Variants in ATE1 observed in about 807,000 individuals in gnomAD.
The protein encoded by ATE1 is arginyltransferase 1, also known as arginyl-tRNA--protein transferase 1.
ATE1 carries 36 observed loss-of-function variants against 70.5 expected under a neutral mutation model. The observed-to-expected ratio is 0.51, with a 90% CI of 0.39 to 0.67. ATE1 has a LOEUF of 0.67. Ranked by LOEUF, ATE1 falls within the 30% of genes least tolerant of loss-of-function variation. The probability of loss-of-function intolerance (pLI) is 0.00; values close to 1 mark genes in which losing one functional copy is unlikely to be tolerated. For missense variants in ATE1, 593 were observed against 629.5 expected, an observed-to-expected ratio of 0.94 and a Z score of 0.62; for synonymous variants, 232 against 219.3, an observed-to-expected ratio of 1.06 and a Z score of -0.51.
intron 3 of ATE1, among the ~76,000 whole-genome samples, chr10:121,918,848 G>A (rs887352754): frequency 5.3e-5 from 8 of 152,186 alleles, no homozygotes; most frequent in Non-Finnish European, 1.2e-4. Context: ...CTTACAAGAG[G>A]ATTGTAAAAT....
chr10:121,902,681 TG>T, intron 5 of ATE1, 61 bp from the exon 6 acceptor site: 1 of 1,472,340 alleles, frequency 6.8e-7, no homozygotes, highest in Non-Finnish European at 9.2e-7. Context: ...TTTTTTCACA[TG>T]TCTCAAAGAT....
chr10:121,855,682 A>G (rs1339181358), intron 8 of ATE1, among the ~76,000 whole-genome samples: 1 of 152,232 alleles, frequency 6.6e-6, no homozygotes, highest in Non-Finnish European at 1.5e-5. Flanking sequence ...ATTGATTTAC[A>G]GAGATAAGAA....
chr10:121,743,909 T>C (rs1944234838), intron 11 of ATE1, 51 bp from the exon 12 acceptor site: 2 of 1,509,454 alleles, frequency 1.3e-6, no homozygotes, highest in East Asian at 2.3e-5. Context: ...TCAAAACTTT[T>C]TGTTTCCTTT....
chr10:121,745,706 G>C (rs1037369373), intron 11 of ATE1, among the ~76,000 whole-genome samples: 5 of 149,050 alleles, frequency 3.4e-5, no homozygotes, highest in Non-Finnish European at 7.4e-5. Flanking sequence ...CAGCCTGGGC[G>C]ACAGAGCAAG....
intron 5 of ATE1, among the ~76,000 whole-genome samples, chr10:121,905,617 G>A (rs767791551): frequency 3.3e-5 from 5 of 151,958 alleles, no homozygotes; most frequent in African/African-American, 4.8e-5. Flanking sequence ...CGAGACGGGC[G>A]GATCACCTGA....
At chr10:121,927,029 C>T in intron 1 of ATE1, 12 of 985,380 alleles carry the variant, frequency 1.2e-5, no homozygotes, top group South Asian at 4.7e-5. Flanking sequence ...TGTTTTCATG[C>T]GAATCTCGTT....
intron 8 of ATE1, among the ~76,000 whole-genome samples, chr10:121,844,815 G>A (rs185830325): frequency 1.3e-5 from 2 of 151,852 alleles, no homozygotes; most frequent in Admixed American, 1.3e-4. Context: ...GAAAGATGCC[G>A]ATCTGAAAAG....
At chr10:121,924,898 C>A (rs1204785652) in intron 1 of ATE1, among the ~76,000 whole-genome samples, 3 of 152,124 alleles carry the variant, frequency 2.0e-5, no homozygotes, top group Non-Finnish European at 4.4e-5. Flanking sequence ...TCAATAGTCT[C>A]TATGACAGCA....
At chr10:121,803,239 T>A (rs530938414) in intron 10 of ATE1, among the ~76,000 whole-genome samples, 1 of 152,324 alleles carries the variant, frequency 6.6e-6, no homozygotes, top group African/African-American at 2.4e-5. Flanking sequence ...GAATTCTCAA[T>A]AAATACTTAT....
At chr10:121,771,546 C>G (rs1042278517) in intron 11 of ATE1, among the ~76,000 whole-genome samples, 2 of 152,126 alleles carry the variant, frequency 1.3e-5, no homozygotes, top group Non-Finnish European at 2.9e-5. Context: ...TCTTAAGGTC[C>G]TAAAGCTTGT....
intron 8 of ATE1, among the ~76,000 whole-genome samples, chr10:121,868,484 G>T (rs1949737731): frequency 6.6e-6 from 1 of 152,106 alleles, no homozygotes; most frequent in Non-Finnish European, 1.5e-5. Flanking sequence ...ACTATAGAGT[G>T]GGCTATAAAA....
chr10:121,784,765 A>G (rs930635852), intron 11 of ATE1, among the ~76,000 whole-genome samples: 1 of 152,158 alleles, frequency 6.6e-6, no homozygotes, highest in Non-Finnish European at 1.5e-5. Flanking sequence ...AGGCTGAGGC[A>G]GGAGTATTGC....
intron 8 of ATE1, among the ~76,000 whole-genome samples, chr10:121,866,027 A>C (rs1431094891): frequency 6.6e-6 from 1 of 152,240 alleles, no homozygotes; most frequent in East Asian, 1.9e-4. Flanking sequence ...TTTTATTCAA[A>C]ATTAAAGAAG....
rs201853069 is a variant in ATE1, at chr10:121,902,591, A to G, written c.613T>C (p.Cys205Arg). Reference sequence around the variant, plus strand: ...TTCCGGATTTCCTTTGCTTTTCGACATGGAGGCTTACTCAAATCAGCCCCT... The same window carrying G: ...TTCCGGATTTCCTTTGCTTTTCGACGTGGAGGCTTACTCAAATCAGCCCCT... ...GKGADLSKPP[C>R]RKAKEIRKER... The change falls in exon 6 of 12, where the codon TGT becomes CGT. Residue 205 changes from cysteine (C) to arginine (R), a missense_variant. Physicochemically the swap from Cys to Arg is radical, Grantham distance 180 (BLOSUM62 -3). This residue lies in a region of ATE1 where 467 missense variants were observed against 469.6 expected (regional missense o/e 0.99). Coordinates refer to ENST00000224652, the MANE Select transcript of ATE1 (RefSeq NM_001001976.3). 349 of 1,612,724 alleles carry G rather than the reference A, an allele frequency of 2.2e-4. 1 individual carries two copies. The highest frequency in any genetic ancestry group is 3.3e-5 in the Non-Finnish European group (39 of 1,179,266).
chr10:121,832,660 C>T (rs1272113629), intron 10 of ATE1, among the ~76,000 whole-genome samples: 1 of 152,166 alleles, frequency 6.6e-6, no homozygotes, highest in African/African-American at 2.4e-5. Context: ...TTTTACCTCC[C>T]CACTATGATT....
At chr10:121,744,626 C>T (rs1285280099) in intron 11 of ATE1, among the ~76,000 whole-genome samples, 1 of 152,196 alleles carries the variant, frequency 6.6e-6, no homozygotes, top group African/African-American at 2.4e-5. Flanking sequence ...ATGGACAATG[C>T]ACCCTCATGG....
intron 11 of ATE1, among the ~76,000 whole-genome samples, chr10:121,775,514 C>T (rs1358256045): frequency 6.6e-6 from 1 of 152,134 alleles, no homozygotes; most frequent in Non-Finnish European, 1.5e-5. Flanking sequence ...ATCTGTGCTA[C>T]AGTTCTAAGT....
intron 8 of ATE1, among the ~76,000 whole-genome samples, chr10:121,855,457 A>C (rs1326926367): frequency 6.6e-6 from 1 of 152,224 alleles, no homozygotes; most frequent in African/African-American, 2.4e-5. Context: ...TCAATTAAGG[A>C]AAACAGCTCC....
chr10:121,800,547 G>A (rs1946836610), intron 10 of ATE1, among the ~76,000 whole-genome samples: 2 of 152,084 alleles, frequency 1.3e-5, no homozygotes, highest in African/African-American at 4.8e-5. Context: ...TTTGAAAAGA[G>A]GCTAAACCAG....
Sources: allele counts gnomAD v4.1 joint callset (sites outside exome capture counted in the v4.1 genomes callset), GRCh38; gene constraint gnomAD v4.1.1; regional missense constraint gnomAD v4.1.1; transcripts MANE v1.5; gene names NCBI Gene and HGNC (gene_info 2026-07-23, HGNC 2026-07-21).